TMEM132D: variants seen among roughly 807,000 people sequenced by gnomAD.
The protein encoded by TMEM132D is transmembrane protein 132D.
Under a neutral mutation model 62.3 loss-of-function variants are expected in TMEM132D, and 21 were observed. That is an observed-to-expected ratio of 0.34 (90% CI 0.24 to 0.49). TMEM132D has a LOEUF of 0.49. TMEM132D is among the 20% of genes least tolerant of loss of function. The probability of loss-of-function intolerance (pLI) is 0.99; values close to 1 mark genes in which losing one functional copy is unlikely to be tolerated. For missense variants in TMEM132D, 1,346 were observed against 1,402.8 expected, an observed-to-expected ratio of 0.96 and a Z score of 0.65; for synonymous variants, 621 against 575.6, an observed-to-expected ratio of 1.08 and a Z score of -1.13.
chr12:129,382,276 G>GA (rs112397452), intron 3 of TMEM132D, among the ~76,000 whole-genome samples: 2,638 of 152,264 alleles, frequency 0.017, 81 homozygotes, highest in African/African-American at 0.06. Context: ...TAGAAGATGT[G>GA]TCACAGTTTT....
chr12:129,299,980 T>G (rs985659149), intron 4 of TMEM132D, among the ~76,000 whole-genome samples: 1 of 152,244 alleles, frequency 6.6e-6, no homozygotes, highest in Non-Finnish European at 1.5e-5. Flanking sequence ...AATATATCTT[T>G]GGTGCTTAAA....
intron 1 of TMEM132D, among the ~76,000 whole-genome samples, chr12:129,730,628 G>C (rs141428456): frequency 1.3e-5 from 2 of 151,886 alleles, no homozygotes; most frequent in Admixed American, 6.6e-5. Context: ...GGGTGTGTCC[G>C]TGAGGGTGTT....
At chr12:129,135,366 T>C (rs1876528174) in intron 5 of TMEM132D, among the ~76,000 whole-genome samples, 1 of 152,190 alleles carries the variant, frequency 6.6e-6, no homozygotes. Context: ...GTTAGACTCC[T>C]CTAGAGCTAG....
At chr12:129,129,508 TG>T (rs1876309285) in intron 5 of TMEM132D, among the ~76,000 whole-genome samples, 1 of 152,206 alleles carries the variant, frequency 6.6e-6, no homozygotes, top group African/African-American at 2.4e-5. Context: ...ATATGCCCAG[TG>T]ATGGGATTGT....
chr12:129,296,068 GCA>G (rs4026576), intron 4 of TMEM132D, among the ~76,000 whole-genome samples: 26,741 of 149,654 alleles, frequency 0.18, 3,502 homozygotes, highest in East Asian at 0.34. Flanking sequence ...ATATGAACAT[GCA>G]CACACACACA....
intron 1 of TMEM132D, among the ~76,000 whole-genome samples, chr12:129,722,923 G>A (rs1374321415): frequency 2.0e-5 from 3 of 151,802 alleles, no homozygotes; most frequent in African/African-American, 7.3e-5. Context: ...TGTATTTTTA[G>A]TAGAGATGGG....
chr12:129,490,226 AACAAC>A (rs1874724656), intron 3 of TMEM132D, among the ~76,000 whole-genome samples: 1 of 152,128 alleles, frequency 6.6e-6, no homozygotes, highest in Non-Finnish European at 1.5e-5. Flanking sequence ...AACAAAACAA[AACAAC>A]AACAACAAAA....
intron 3 of TMEM132D, among the ~76,000 whole-genome samples, chr12:129,482,236 G>GCGT (rs1489742569): frequency 3.3e-5 from 5 of 152,192 alleles, no homozygotes; most frequent in African/African-American, 4.8e-5. Flanking sequence ...ATTGTGTGTA[G>GCGT]CGTGGCAAAA....
In TMEM132D at chr12:129,293,187, G is replaced by A. The variant is rs537398641; in HGVS notation, c.1299+44447C>T. ...TGCAAGCATCCTCATGTGCCCAGGA[G>A]TATTGCAGAAGTAGCCCCAAGAGCC... is the stretch of plus-strand genomic sequence containing the variant. On this transcript the variant is annotated intron_variant, in intron 4 of 8. Transcript: ENST00000422113. Among the ~76,000 whole-genome samples the A allele has an allele frequency of 6.6e-5, 10 of 152,248 alleles. No individual in the cohort carries two copies. In the East Asian group the frequency reaches 1.9e-3, roughly 29 times the overall value.
chr12:129,463,746 T>A (rs1284830906), intron 3 of TMEM132D, among the ~76,000 whole-genome samples: 1 of 151,986 alleles, frequency 6.6e-6, no homozygotes, highest in East Asian at 1.9e-4. Context: ...GTCCTTGCAA[T>A]AGTTTGCTGA....
chr12:129,280,694 T>C lies in TMEM132D; in HGVS notation c.1299+56940A>G, dbSNP rs375766864. On this transcript the variant is annotated intron_variant, in intron 4 of 8. Transcript: ENST00000422113. ...TTTGTTTGTAATATCTATCTATCTA[T>C]CTACCTACCTATCATCTATCAATCA... Among the ~76,000 whole-genome samples, 26 of 152,302 alleles carry C rather than the reference T, an allele frequency of 1.7e-4. No individual in the cohort carries two copies. In the East Asian group the frequency reaches 1.9e-3, roughly 11 times the overall value.
At chr12:129,504,863 C>T (rs1875281106) in intron 3 of TMEM132D, among the ~76,000 whole-genome samples, 2 of 152,252 alleles carry the variant, frequency 1.3e-5, no homozygotes, top group South Asian at 4.1e-4. Flanking sequence ...TATGAACTTT[C>T]CCCTTAGCAC....
At chr12:129,415,966 T>TC (rs1872109356) in intron 3 of TMEM132D, among the ~76,000 whole-genome samples, 1 of 152,166 alleles carries the variant, frequency 6.6e-6, no homozygotes, top group South Asian at 2.1e-4. Flanking sequence ...CTGCTATTCT[T>TC]CCCCCTTCTG....
rs540641441 is a variant in TMEM132D, at chr12:129,328,613, G to A, written c.1299+9021C>T. Among the ~76,000 whole-genome samples the A allele has an allele frequency of 4.6e-5, 7 of 152,344 alleles. No homozygotes were observed. The South Asian group carries it at 1.2e-3, about 27-fold the overall frequency. ...CAGATTGGGCTGAAAAGAAAAGGCA[G>A]TGGCTTTGTGCATAATAAATAATTC... On this transcript the variant is annotated intron_variant, in intron 4 of 8. Transcript: ENST00000422113.
chr12:129,265,387 G>T (rs1880658134), intron 4 of TMEM132D, among the ~76,000 whole-genome samples: 1 of 152,164 alleles, frequency 6.6e-6, no homozygotes, highest in Non-Finnish European at 1.5e-5. Flanking sequence ...TTGAAAATGG[G>T]CAAAATGTGG....
rs561628649 is a variant in TMEM132D at position 129,230,316 on chromosome 12, G to A, written c.1300-20653C>T. ...ACTCCTTCTGTGTTGGAGGGGGGGG[G>A]CTCCCCAGCCTGGCCATCCCCTTCC... On this transcript the variant is annotated intron_variant, in intron 4 of 8. Transcript: ENST00000422113. Among the ~76,000 whole-genome samples, 3 of 149,258 alleles carry A rather than the reference G, an allele frequency of 2.0e-5. No individual in the cohort carries two copies. In the South Asian group the frequency reaches 6.4e-4, roughly 32 times the overall value.
chr12:129,217,153 T>C (rs1879228526), intron 4 of TMEM132D, among the ~76,000 whole-genome samples: 1 of 152,114 alleles, frequency 6.6e-6, no homozygotes, highest in Non-Finnish European at 1.5e-5. Context: ...GTGAGCTGCA[T>C]CAACTGATTC....
At chr12:129,096,680 TC>T (rs886943261) in intron 5 of TMEM132D, among the ~76,000 whole-genome samples, 1 of 152,108 alleles carries the variant, frequency 6.6e-6, no homozygotes, top group Non-Finnish European at 1.5e-5. Flanking sequence ...TGAGTCTCTT[TC>T]CCCGTCAGCC....
intron 2 of TMEM132D, among the ~76,000 whole-genome samples, chr12:129,667,886 T>C (rs7959928): frequency 0.015 from 2,251 of 152,104 alleles, 47 homozygotes; most frequent in African/African-American, 0.05. Context: ...GTAATAATTA[T>C]AATTATTATG....
Sources: allele counts gnomAD v4.1 joint callset (sites outside exome capture counted in the v4.1 genomes callset), GRCh38; gene constraint gnomAD v4.1.1; transcripts MANE v1.5; gene names NCBI Gene and HGNC (gene_info 2026-07-23, HGNC 2026-07-21).